The following CYP20A1 variants were observed in gnomAD, a reference collection of about 807,000 sequenced individuals.
CYP20A1 encodes the protein cytochrome P450 family 20 subfamily A member 1, also known as cytochrome P450 20A1.
CYP20A1 carries 61 observed loss-of-function variants against 61.4 expected under a neutral mutation model. The ratio of observed to expected loss-of-function variants is 0.99; its 90% CI spans 0.81 to 1.23. The LOEUF (loss-of-function observed/expected upper bound fraction) is 1.23. Among genes scored for constraint, CYP20A1 ranks in the 50% most tolerant of loss-of-function variants. The pLI is 0.00. For missense variants in CYP20A1, 530 were observed against 542.4 expected (o/e 0.98, Z 0.23); for synonymous variants, 193 against 188.2 (o/e 1.03, Z -0.21).
chr2:203,259,537 C>T (rs1465730587), intron 4 of CYP20A1: 1 of 152,076 alleles, frequency 6.6e-6, no homozygotes. Flanking sequence ...TATAAGCTTC[C>T]TGAGGCCTCA....
intron 9 of CYP20A1, among the ~76,000 whole-genome samples, chr2:203,289,158 T>C (rs2068426264): frequency 6.6e-6 from 1 of 152,232 alleles, no homozygotes; most frequent in African/African-American, 2.4e-5. Flanking sequence ...AAAAATGCTA[T>C]GATTGGCAAT....
intron 5 of CYP20A1, among the ~76,000 whole-genome samples, chr2:203,271,719 T>C (rs1476287916): frequency 6.6e-6 from 1 of 152,196 alleles, no homozygotes; most frequent in Non-Finnish European, 1.5e-5. Flanking sequence ...GTGAATTTTA[T>C]TTTTACACTT....
intron 1 of CYP20A1, among the ~76,000 whole-genome samples, chr2:203,242,234 C>T (rs564096616): frequency 6.6e-6 from 1 of 152,274 alleles, no homozygotes; most frequent in East Asian, 1.9e-4. Flanking sequence ...GATCCTCCTG[C>T]CTCAGCCTTC....
At position 203,285,610 on chromosome 2, in the gene CYP20A1, A is replaced by G. The variant is rs776103317; in HGVS notation, c.851-2A>G. 1 of 1,579,204 alleles carries G rather than the reference A, an allele frequency of 6.3e-7. No homozygotes were observed. The highest frequency in any genetic ancestry group is 8.5e-7 in the Non-Finnish European group (1 of 1,170,398). On this transcript the variant is annotated splice_acceptor_variant, in intron 8 of 12. Coordinates refer to ENST00000356079, the MANE Select transcript of CYP20A1 (RefSeq NM_177538.3). LOFTEE classifies it high-confidence loss of function. ...TTGTTATTCATATAATGTTTGACCTAGTGTGTACCTGGGCAATCTGTTTTT... is the reference window on the plus strand; with the variant it reads ...TTGTTATTCATATAATGTTTGACCTGGTGTGTACCTGGGCAATCTGTTTTT...
rs2067434912 is a variant in CYP20A1, at chr2:203,268,696, T to C, written c.600+2015T>C. ...TTTATTTGTATAAATTTATGGGTTA[T>C]ATGTATAATTTTATTACATGCATAG... On this transcript the variant is annotated intron_variant, in intron 5 of 12. Coordinates refer to ENST00000356079, the MANE Select transcript of CYP20A1 (RefSeq NM_177538.3). 2.0e-5 allele frequency among the ~76,000 whole-genome samples: 3 copies of C among 152,292 alleles called. No individual in the cohort carries two copies. In the South Asian group the frequency reaches 6.2e-4, roughly 32 times the overall value.
chr2:203,245,855 C>A lies in CYP20A1; in HGVS notation c.82C>A (p.Gln28Lys). Residue 28 changes from glutamine (Q) to lysine (K), a missense_variant, in exon 2 of 13, where the codon CAA becomes AAA. Transcript: ENST00000356079. ...ACTTTTTTTTTGTAAGGCTTCCAGA[C>A]AAGCTGCAGGAATTCCAGGGATTAC... ...AVLYLYPASRQAAGIPGITPT... is the reference protein window; with the variant it reads ...AVLYLYPASRKAAGIPGITPT... 6.2e-7 allele frequency: 1 copy of A among 1,601,042 alleles called. No individual in the cohort carries two copies. The highest frequency in any genetic ancestry group is 8.5e-7 in the Non-Finnish European group (1 of 1,171,278).
intron 1 of CYP20A1, among the ~76,000 whole-genome samples, chr2:203,245,462 T>C (rs915326724): frequency 9.9e-5 from 15 of 152,046 alleles, no homozygotes; most frequent in Non-Finnish European, 2.1e-4. Flanking sequence ...AGGTAATTAT[T>C]AAGCCTAGTA....
chr2:203,246,901 A>C lies in CYP20A1; in HGVS notation c.269A>C (p.His90Pro), dbSNP rs970327633. The change falls in exon 3 of 13, where the codon CAT becomes CCT. Residue 90 changes from histidine to proline, a missense_variant. By Grantham distance (77) the His-to-Pro change is moderately conservative (BLOSUM62 -2). Coordinates refer to ENST00000356079, the MANE Select transcript of CYP20A1 (RefSeq NM_177538.3). Reference sequence around the variant, plus strand: ...GGCACTGTTGATGTACTGAAGCAGCATATCAATCCCAATAAGACATGTAAG... The same window carrying C: ...GGCACTGTTGATGTACTGAAGCAGCCTATCAATCCCAATAAGACATGTAAG... ...SLGTVDVLKQHINPNKTSDPF... is the reference protein window; with the variant it reads ...SLGTVDVLKQPINPNKTSDPF... 6.2e-7 allele frequency: 1 copy of C among 1,613,212 alleles called. No individual in the cohort carries two copies. The highest frequency in any genetic ancestry group is 1.3e-5 in the African/African-American group (1 of 74,970).
At chr2:203,255,027 A>G (rs2066844402) in intron 4 of CYP20A1, among the ~76,000 whole-genome samples, 1 of 151,972 alleles carries the variant, frequency 6.6e-6, no homozygotes. Flanking sequence ...AGAAAATCAC[A>G]TTTGAAAAGA....
intron 3 of CYP20A1, among the ~76,000 whole-genome samples, chr2:203,250,021 T>G (rs1294000743): frequency 6.6e-6 from 1 of 152,168 alleles, no homozygotes; most frequent in Admixed American, 6.6e-5. Flanking sequence ...ACACTGTTGA[T>G]GAGGGAATGG....
chr2:203,244,125 G>GC (rs149318735), intron 1 of CYP20A1, among the ~76,000 whole-genome samples: 4,527 of 150,894 alleles, frequency 0.03, 250 homozygotes, highest in African/African-American at 0.1. Context: ...AAATGCCCCC[G>GC]CCCCCCGTCT....
intron 1 of CYP20A1, among the ~76,000 whole-genome samples, chr2:203,241,239 G>A (rs1019583015): frequency 6.6e-6 from 1 of 152,162 alleles, no homozygotes; most frequent in African/African-American, 2.4e-5. Context: ...GGGAGGTAGT[G>A]GGGATTTATA....
At chr2:203,265,288 T>G (rs369118547) in intron 4 of CYP20A1, among the ~76,000 whole-genome samples, 1 of 152,178 alleles carries the variant, frequency 6.6e-6, no homozygotes, top group Non-Finnish European at 1.5e-5. Flanking sequence ...AAAAAATGTT[T>G]CCAAACATTT....
chr2:203,262,376 G>A (rs962563488), intron 4 of CYP20A1, among the ~76,000 whole-genome samples: 4 of 152,112 alleles, frequency 2.6e-5, no homozygotes, highest in African/African-American at 9.7e-5. Flanking sequence ...TATTAACAGC[G>A]AGGCAGAAAG....
At chr2:203,272,836 G>A in intron 6 of CYP20A1, 88 bp downstream of exon 6, 1 of 737,594 alleles carries the variant, frequency 1.4e-6, no homozygotes. Flanking sequence ...TGAGATTAAA[G>A]GTCATTTATA....
chr2:203,269,597 C>T (rs1206123468), intron 5 of CYP20A1, among the ~76,000 whole-genome samples: 4 of 151,000 alleles, frequency 2.6e-5, no homozygotes, highest in East Asian at 2.0e-4. Flanking sequence ...CAGGTTAAAG[C>T]GATTCTCCTG....
rs1308091457 is a variant in CYP20A1 at position 203,300,587 on chromosome 2, A to T, written c.*3679A>T. On this transcript the variant is annotated 3_prime_UTR_variant, in exon 13 of 13. Transcript: ENST00000356079. ...ATTCTTTTTGATAGTTCAGAAGTGT[A>T]TTGTTAAAAAACATAAGCATGGCCG... Among the ~76,000 whole-genome samples, 2 of 152,162 alleles carry T rather than the reference A, an allele frequency of 1.3e-5. No individual in the cohort carries two copies. Among genetic ancestry groups the T allele is most frequent in the Non-Finnish European group, 2.9e-5 (2 of 68,028 alleles).
At chr2:203,259,083 ACAGG>A (rs1350173438) in intron 4 of CYP20A1, among the ~76,000 whole-genome samples, 1 of 152,094 alleles carries the variant, frequency 6.6e-6, no homozygotes, top group East Asian at 1.9e-4. Context: ...ATCTTTTATC[ACAGG>A]CTCTGTTCTC....
intron 9 of CYP20A1, among the ~76,000 whole-genome samples, chr2:203,286,239 A>G (rs986350459): frequency 6.6e-6 from 1 of 152,176 alleles, no homozygotes; most frequent in Non-Finnish European, 1.5e-5. Context: ...CAGTGATTGC[A>G]TCACTGCACT....
Sources: allele counts gnomAD v4.1 joint callset (sites outside exome capture counted in the v4.1 genomes callset), GRCh38; gene constraint gnomAD v4.1.1; transcripts MANE v1.5; gene names NCBI Gene and HGNC (gene_info 2026-07-23, HGNC 2026-07-21).